PXDNL: variants seen among roughly 807,000 people sequenced by gnomAD.
PXDNL encodes peroxidasin like.
PXDNL carries 145 observed loss-of-function variants against 150.8 expected under a neutral mutation model. The observed-to-expected ratio is 0.96, with a 90% CI of 0.84 to 1.10. PXDNL has a LOEUF of 1.10. PXDNL is among the 50% of genes least tolerant of loss of function. PXDNL has a pLI of 0.00. For missense variants in PXDNL, 2,087 were observed against 1,873.9 expected (o/e 1.11, Z -2.10); for synonymous variants, 757 against 725.7 (o/e 1.04, Z -0.69).
chr8:51,438,755 C>G (rs930999840), intron 12 of PXDNL, among the ~76,000 whole-genome samples: 3 of 152,056 alleles, frequency 2.0e-5, no homozygotes, highest in African/African-American at 7.2e-5. Context: ...AATAGAGAAC[C>G]CAGAAATTAA....
chr8:51,531,005 G>A (rs1341242993), intron 4 of PXDNL, among the ~76,000 whole-genome samples: 2 of 152,226 alleles, frequency 1.3e-5, no homozygotes, highest in African/African-American at 4.8e-5. Context: ...AAATGAGTGA[G>A]TAAATGAATG....
intron 1 of PXDNL, among the ~76,000 whole-genome samples, chr8:51,778,414 C>G (rs1477545805): frequency 2.6e-5 from 4 of 152,200 alleles, no homozygotes; most frequent in Non-Finnish European, 5.9e-5. Flanking sequence ...TTTCCTGTCT[C>G]CCACACGGCA....
intron 17 of PXDNL, among the ~76,000 whole-genome samples, chr8:51,379,636 G>A (rs952057279): frequency 6.6e-6 from 1 of 151,652 alleles, no homozygotes; most frequent in Non-Finnish European, 1.5e-5. Context: ...CATTATGTTA[G>A]ATTCTGATGA....
At chr8:51,602,666 T>C (rs1334877838) in intron 2 of PXDNL, among the ~76,000 whole-genome samples, 3 of 151,778 alleles carry the variant, frequency 2.0e-5, no homozygotes, top group Admixed American at 6.6e-5. Flanking sequence ...TTGATGGACA[T>C]TAACTTAAAA....
intron 1 of PXDNL, among the ~76,000 whole-genome samples, chr8:51,657,260 T>C (rs1029173054): frequency 1.3e-5 from 2 of 152,226 alleles, no homozygotes; most frequent in African/African-American, 4.8e-5. Flanking sequence ...AAATCATAAG[T>C]TGCACCATTG....
At chr8:51,570,264 C>T (rs1489760572) in intron 3 of PXDNL, among the ~76,000 whole-genome samples, 2 of 151,836 alleles carry the variant, frequency 1.3e-5, no homozygotes, top group Non-Finnish European at 2.9e-5. Context: ...GTGGGTTCCA[C>T]TAGGTAAAGC....
At chr8:51,350,967 T>G (rs2976983) in intron 19 of PXDNL, among the ~76,000 whole-genome samples, 102,959 of 152,100 alleles carry the variant, frequency 0.68, 36,604 homozygotes, top group East Asian at 0.94. Context: ...AGTATATTAA[T>G]ACATCATATC....
chr8:51,592,753 C>A, intron 2 of PXDNL, 55 bp from the exon 3 acceptor site: 1 of 1,289,900 alleles, frequency 7.8e-7, no homozygotes, highest in Non-Finnish European at 1.1e-6. Flanking sequence ...ACTCTGCAAA[C>A]ATTAAAATAG....
rs117924930 is a variant in PXDNL, at chr8:51,674,567, A to G, written c.165-19807T>C. Among the ~76,000 whole-genome samples the G allele has an allele frequency of 6.0e-4, 92 of 152,326 alleles. No individual in the cohort carries two copies. The East Asian group carries it at 0.012, about 20-fold the overall frequency. On this transcript the variant is annotated intron_variant, in intron 1 of 22. Transcript: ENST00000356297. ...TCTCTAGGGAAAGCAGCACACTGAA[A>G]TGGGTTATATCATGAGTTTAGCCTG...
chr8:51,323,941 A>T (rs1306917224), intron 21 of PXDNL, among the ~76,000 whole-genome samples: 1 of 128,156 alleles, frequency 7.8e-6, no homozygotes, highest in East Asian at 2.0e-4. Context: ...AAAATAAAAT[A>T]AAAAAATAAA....
rs1373457870 is a variant in PXDNL at position 51,472,186 on chromosome 8, C to T, written c.812+1G>A. On this transcript the variant is annotated splice_donor_variant, in intron 8 of 22. Coordinates refer to ENST00000356297, the MANE Select transcript of PXDNL (RefSeq NM_144651.5). LOFTEE classifies it high-confidence loss of function. ...AACCCATGTCCATGCTCAGTATTTA[C>T]TTGTTGTGTATCCAAATAATCTCAG... The T allele has an allele frequency of 1.2e-5, 19 of 1,596,574 alleles. No individual in the cohort carries two copies. Among genetic ancestry groups the T allele is most frequent in the Non-Finnish European group, 1.6e-5 (19 of 1,164,288 alleles).
chr8:51,476,690 G>T (rs1328041280), intron 6 of PXDNL, among the ~76,000 whole-genome samples: 1 of 152,096 alleles, frequency 6.6e-6, no homozygotes, highest in Admixed American at 6.5e-5. Flanking sequence ...TCTCCCAATG[G>T]GTTAAAAAGG....
intron 1 of PXDNL, among the ~76,000 whole-genome samples, chr8:51,689,321 ATT>A (rs10719215): frequency 0.081 from 11,831 of 146,500 alleles, 562 homozygotes; most frequent in East Asian, 0.14. Context: ...AGACATCCAG[ATT>A]TTTTTTTTTT....
At chr8:51,333,243 A>G (rs112288488) in intron 21 of PXDNL, among the ~76,000 whole-genome samples, 33,995 of 152,034 alleles carry the variant, frequency 0.22, 3,921 homozygotes, top group Middle Eastern at 0.3. Flanking sequence ...AAACTAAGCA[A>G]CATATATGAA....
At chr8:51,706,705 T>A (rs1816386481) in intron 1 of PXDNL, among the ~76,000 whole-genome samples, 1 of 152,234 alleles carries the variant, frequency 6.6e-6, no homozygotes, top group African/African-American at 2.4e-5. Flanking sequence ...TCTTACCTAT[T>A]TGAGTTTCAA....
At chr8:51,636,227 T>C (rs1243526536) in intron 2 of PXDNL, among the ~76,000 whole-genome samples, 3 of 152,196 alleles carry the variant, frequency 2.0e-5, no homozygotes, top group Non-Finnish European at 4.4e-5. Flanking sequence ...GGACATTTAT[T>C]AAAAATCCAG....
intron 4 of PXDNL, among the ~76,000 whole-genome samples, chr8:51,521,905 T>C (rs1259063354): frequency 1.3e-5 from 2 of 152,138 alleles, no homozygotes; most frequent in East Asian, 3.9e-4. Flanking sequence ...CAATCTAGAA[T>C]TCTACACCCA....
chr8:51,641,786 AAG>A (rs1814762162), intron 2 of PXDNL, among the ~76,000 whole-genome samples: 5 of 152,158 alleles, frequency 3.3e-5, no homozygotes, highest in Admixed American at 3.3e-4. Context: ...ACCATTGTGG[AAG>A]TCAGTGTGGC....
intron 1 of PXDNL, among the ~76,000 whole-genome samples, chr8:51,743,465 T>A (rs535081389): frequency 6.6e-6 from 1 of 152,236 alleles, no homozygotes; most frequent in South Asian, 2.1e-4. Context: ...CACTGCAACC[T>A]CTACCTCCAG....
Sources: allele counts gnomAD v4.1 joint callset (sites outside exome capture counted in the v4.1 genomes callset), GRCh38; gene constraint gnomAD v4.1.1; transcripts MANE v1.5; gene names NCBI Gene and HGNC (gene_info 2026-07-23, HGNC 2026-07-21).